TTC29: variants seen among roughly 807,000 people sequenced by gnomAD.
TTC29 encodes tetratricopeptide repeat protein 29.
A neutral mutation model predicts 58.1 loss-of-function variants in TTC29; 49 were observed. That is an observed-to-expected ratio of 0.84 (90% CI 0.67 to 1.07). The LOEUF (loss-of-function observed/expected upper bound fraction) is 1.07, where lower values mean the gene tolerates loss of function less well. Among genes scored for constraint, TTC29 ranks in the 50% least tolerant of loss-of-function variants. The pLI is 0.00. For missense variants in TTC29, 582 were observed against 555.6 expected, an observed-to-expected ratio of 1.05 and a Z score of -0.48; for synonymous variants, 209 against 196.8, an observed-to-expected ratio of 1.06 and a Z score of -0.52.
At chr4:146,804,053 A>T (rs950424567) in intron 10 of TTC29, among the ~76,000 whole-genome samples, 1 of 152,188 alleles carries the variant, frequency 6.6e-6, no homozygotes, top group African/African-American at 2.4e-5. Context: ...TAACCGGCTC[A>T]TCTCTTTGGG....
chr4:146,777,523 A>T (rs1748200881), intron 11 of TTC29, among the ~76,000 whole-genome samples: 2 of 152,150 alleles, frequency 1.3e-5, no homozygotes. Context: ...ATTCCCACAT[A>T]ATCTTACTAT....
chr4:146,888,939 T>C (rs1164155812), intron 6 of TTC29, among the ~76,000 whole-genome samples: 1 of 152,134 alleles, frequency 6.6e-6, no homozygotes, highest in African/African-American at 2.4e-5. Flanking sequence ...ACATAGTTAA[T>C]TAGCTAATGG....
intron 7 of TTC29, among the ~76,000 whole-genome samples, chr4:146,871,577 T>G (rs1171409498): frequency 4.0e-5 from 6 of 151,798 alleles, no homozygotes; most frequent in Non-Finnish European, 8.8e-5. Flanking sequence ...AGCTATAAGA[T>G]CAATATAGAA....
At chr4:146,786,589 G>A (rs939294839) in intron 11 of TTC29, among the ~76,000 whole-genome samples, 3 of 152,098 alleles carry the variant, frequency 2.0e-5, no homozygotes, top group Non-Finnish European at 2.9e-5. Context: ...TTTAGGCTCC[G>A]AAATCGTAAT....
chr4:146,887,749 C>G (rs1054912422), intron 6 of TTC29, among the ~76,000 whole-genome samples: 2 of 152,092 alleles, frequency 1.3e-5, no homozygotes, highest in Non-Finnish European at 2.9e-5. Flanking sequence ...TCCATAGACA[C>G]TAGGTTTTCC....
At chr4:146,713,731 T>C (rs1400262029) in intron 11 of TTC29, among the ~76,000 whole-genome samples, 3 of 152,132 alleles carry the variant, frequency 2.0e-5, no homozygotes, top group Non-Finnish European at 4.4e-5. Flanking sequence ...TATATTCCAA[T>C]TCAAAAGTAT....
chr4:146,711,503 G>A (rs1318678747), intron 11 of TTC29, among the ~76,000 whole-genome samples: 3 of 152,100 alleles, frequency 2.0e-5, no homozygotes, highest in Admixed American at 2.0e-4. Flanking sequence ...ATCACCTAAT[G>A]TTAAAAGACT....
At chr4:146,898,073 T>C (rs1469972610) in intron 6 of TTC29, among the ~76,000 whole-genome samples, 1 of 152,170 alleles carries the variant, frequency 6.6e-6, no homozygotes, top group Non-Finnish European at 1.5e-5. Context: ...CACTGCTTCA[T>C]AACACTCATG....
chr4:146,915,585 T>C (rs1734168357), intron 4 of TTC29, among the ~76,000 whole-genome samples: 1 of 152,026 alleles, frequency 6.6e-6, no homozygotes, highest in East Asian at 1.9e-4. Context: ...CTTCTATAAA[T>C]ATAAAAAAGA....
At chr4:146,721,634 C>T (rs542940959) in intron 11 of TTC29, among the ~76,000 whole-genome samples, 1 of 152,152 alleles carries the variant, frequency 6.6e-6, no homozygotes, top group African/African-American at 2.4e-5. Context: ...TACTGAAAGA[C>T]AGACAGAGTG....
intron 11 of TTC29, among the ~76,000 whole-genome samples, chr4:146,757,883 C>A (rs1746574797): frequency 6.6e-6 from 1 of 151,732 alleles, no homozygotes. Flanking sequence ...TCACACAAGA[C>A]CTCTAAAACA....
intron 2 of TTC29, among the ~76,000 whole-genome samples, chr4:146,940,527 G>A (rs556499189): frequency 3.9e-5 from 6 of 152,270 alleles, no homozygotes; most frequent in Non-Finnish European, 8.8e-5. Context: ...ATAAGGACAG[G>A]GTATCATAGG....
At chr4:146,854,000 G>C (rs751153443) in intron 8 of TTC29, among the ~76,000 whole-genome samples, 1 of 151,982 alleles carries the variant, frequency 6.6e-6, no homozygotes, top group South Asian at 2.1e-4. Context: ...ACCAATGAAT[G>C]GTGGGAACTG....
intron 10 of TTC29, among the ~76,000 whole-genome samples, chr4:146,819,514 T>C (rs1436701162): frequency 2.6e-5 from 4 of 152,146 alleles, no homozygotes; most frequent in African/African-American, 7.2e-5. Context: ...AAAGATAAAA[T>C]CAGGAGAAAA....
chr4:146,879,936 C>A (rs917252531), intron 6 of TTC29, among the ~76,000 whole-genome samples: 6 of 152,062 alleles, frequency 3.9e-5, no homozygotes, highest in Non-Finnish European at 7.4e-5. Flanking sequence ...CAGGAATCAC[C>A]CACAAATCTT....
At chr4:146,790,893 A>C (rs1749400725) in intron 11 of TTC29, among the ~76,000 whole-genome samples, 1 of 152,156 alleles carries the variant, frequency 6.6e-6, no homozygotes, top group Admixed American at 6.5e-5. Context: ...CTGGTAAACA[A>C]ATTTTCTGGA....
At chr4:146,827,167 T>C (rs1159306274) in intron 9 of TTC29, among the ~76,000 whole-genome samples, 1 of 152,058 alleles carries the variant, frequency 6.6e-6, no homozygotes, top group East Asian at 1.9e-4. Context: ...GGGAGGGGGC[T>C]CCCCTTCCCC....
At chr4:146,762,199 T>C (rs2150063558) in intron 11 of TTC29, among the ~76,000 whole-genome samples, 1 of 152,112 alleles carries the variant, frequency 6.6e-6, no homozygotes, top group South Asian at 2.1e-4. Context: ...CAAAAACTAA[T>C]ACAGTGGATT....
At chr4:146,942,732 T>A in intron 2 of TTC29, 12 of 969,578 alleles carry the variant, frequency 1.2e-5, no homozygotes, top group Non-Finnish European at 1.7e-5. Flanking sequence ...GTTTGCCTCA[T>A]TTGGGGCATT....
Sources: allele counts gnomAD v4.1 joint callset (sites outside exome capture counted in the v4.1 genomes callset), GRCh38; gene constraint gnomAD v4.1.1; transcripts MANE v1.5; gene names NCBI Gene and HGNC (gene_info 2026-07-23, HGNC 2026-07-21).